Variants in FHIT observed in about 807,000 individuals in gnomAD.
The protein encoded by FHIT is bis(5'-adenosyl)-triphosphatase.
A neutral mutation model predicts 17.9 loss-of-function variants in FHIT; 19 were observed. That is an observed-to-expected ratio of 1.06 (90% CI 0.74 to 1.56). The LOEUF is 1.56. Among genes scored for constraint, FHIT ranks in the 40% most tolerant of loss-of-function variants. The pLI, the probability that FHIT is intolerant of heterozygous loss-of-function variation, is 0.00. For synonymous variants in FHIT, 81 were observed against 69.7 expected, an observed-to-expected ratio of 1.16 and a Z score of -0.81; for missense variants, 248 against 189.2, an observed-to-expected ratio of 1.31 and a Z score of -1.82.
intron 5 of FHIT, among the ~76,000 whole-genome samples, chr3:60,088,190 C>A (rs960854407): frequency 2.0e-5 from 3 of 152,050 alleles, no homozygotes; most frequent in Non-Finnish European, 4.4e-5. Flanking sequence ...GAGAACTCAT[C>A]CCCCAAAGGC....
intron 4 of FHIT, among the ~76,000 whole-genome samples, chr3:60,756,001 T>TC (rs1260358474): frequency 6.6e-6 from 1 of 152,236 alleles, no homozygotes; most frequent in Non-Finnish European, 1.5e-5. Context: ...TTCTGTTCTT[T>TC]GGTCAAATCT....
chr3:60,394,729 T>A (rs1308995413), intron 5 of FHIT, among the ~76,000 whole-genome samples: 3 of 152,202 alleles, frequency 2.0e-5, no homozygotes, highest in Non-Finnish European at 4.4e-5. Context: ...ATGTTTAGAA[T>A]AGTTCCTGGC....
intron 4 of FHIT, among the ~76,000 whole-genome samples, chr3:60,740,746 G>A (rs2042223959): frequency 6.6e-6 from 1 of 152,078 alleles, no homozygotes; most frequent in Non-Finnish European, 1.5e-5. Context: ...TACCTTCTAA[G>A]GAAATGAGGA....
intron 5 of FHIT, among the ~76,000 whole-genome samples, chr3:60,087,000 A>C (rs188620539): frequency 2.1e-3 from 327 of 152,292 alleles, no homozygotes; most frequent in Non-Finnish European, 3.3e-3. Flanking sequence ...TCTATGAGTC[A>C]TCTCTAAAAT....
chr3:60,465,698 G>A (rs752522107), intron 5 of FHIT, among the ~76,000 whole-genome samples: 3 of 152,058 alleles, frequency 2.0e-5, no homozygotes, highest in Non-Finnish European at 4.4e-5. Context: ...TGAGTTTGCT[G>A]TAGATGTATG....
chr3:60,470,133 G>A (rs899532047), intron 5 of FHIT, among the ~76,000 whole-genome samples: 4 of 150,904 alleles, frequency 2.7e-5, no homozygotes, highest in Admixed American at 1.3e-4. Flanking sequence ...TGTGGCCACC[G>A]CCACTGGGAC....
chr3:61,210,895 G>A (rs917405235), intron 1 of FHIT, among the ~76,000 whole-genome samples: 6 of 151,856 alleles, frequency 4.0e-5, no homozygotes, highest in African/African-American at 1.2e-4. Context: ...CTTCTGTGTC[G>A]CTCACACTGG....
intron 5 of FHIT, among the ~76,000 whole-genome samples, chr3:60,512,966 C>T (rs754807956): frequency 1.4e-4 from 22 of 152,068 alleles, no homozygotes; most frequent in Non-Finnish European, 3.1e-4. Flanking sequence ...GAAAAAAAGC[C>T]AACTGAGAAA....
chr3:60,339,435 C>T (rs1710406023), intron 5 of FHIT, among the ~76,000 whole-genome samples: 1 of 152,074 alleles, frequency 6.6e-6, no homozygotes, highest in African/African-American at 2.4e-5. Flanking sequence ...AATTAACTTA[C>T]CAGGCAGCAG....
At chr3:60,421,404 G>C (rs796146327) in intron 5 of FHIT, among the ~76,000 whole-genome samples, 2 of 152,080 alleles carry the variant, frequency 1.3e-5, no homozygotes, top group South Asian at 4.2e-4. Context: ...TAGCATACTT[G>C]GGTTCAATTC....
chr3:61,205,495 C>T (rs1330864748), intron 1 of FHIT, among the ~76,000 whole-genome samples: 2 of 152,162 alleles, frequency 1.3e-5, no homozygotes, highest in Non-Finnish European at 2.9e-5. Flanking sequence ...TGTTTCCTGA[C>T]ATTTTAATGA....
chr3:60,990,438 C>T (rs2030083803), intron 3 of FHIT, among the ~76,000 whole-genome samples: 2 of 152,004 alleles, frequency 1.3e-5, no homozygotes, highest in South Asian at 2.1e-4. Context: ...AATGGGGTGG[C>T]GATGATAAAA....
chr3:60,393,907 C>T (rs991166773), intron 5 of FHIT, among the ~76,000 whole-genome samples: 4 of 152,160 alleles, frequency 2.6e-5, no homozygotes, highest in South Asian at 2.1e-4. Flanking sequence ...CCCTGCTCTG[C>T]GTTCAGTAAT....
At chr3:60,131,722 C>G (rs929498084) in intron 5 of FHIT, among the ~76,000 whole-genome samples, 5 of 152,070 alleles carry the variant, frequency 3.3e-5, no homozygotes, top group African/African-American at 9.7e-5. Context: ...TGCTGCCAGT[C>G]TAGGAGAGAC....
intron 4 of FHIT, among the ~76,000 whole-genome samples, chr3:60,608,069 G>T (rs72887661): frequency 0.01 from 1,557 of 152,316 alleles, 34 homozygotes; most frequent in African/African-American, 0.036. Context: ...TCCATCTGGA[G>T]CACTCTGCCT....
At chr3:60,242,209 C>A (rs998473408) in intron 5 of FHIT, among the ~76,000 whole-genome samples, 2 of 152,038 alleles carry the variant, frequency 1.3e-5, no homozygotes, top group African/African-American at 4.8e-5. Context: ...CTTACAGCAT[C>A]ACATGGTATT....
At chr3:59,877,852 C>T (rs993887721) in intron 8 of FHIT, among the ~76,000 whole-genome samples, 2 of 152,132 alleles carry the variant, frequency 1.3e-5, no homozygotes, top group Non-Finnish European at 2.9e-5. Context: ...ATTTCCCTAT[C>T]CCTCAAATGA....
chr3:60,067,021 T>C (rs76679447), intron 5 of FHIT, among the ~76,000 whole-genome samples: 5,730 of 151,974 alleles, frequency 0.038, 138 homozygotes, highest in South Asian at 0.077. Context: ...ATCACAGAGG[T>C]AGGCAAATCA....
intron 7 of FHIT, among the ~76,000 whole-genome samples, chr3:59,978,048 T>C (rs1409754763): frequency 1.3e-5 from 2 of 152,198 alleles, no homozygotes; most frequent in Admixed American, 6.5e-5. Flanking sequence ...CTATGCTATG[T>C]ATGGGCTGTC....
Sources: allele counts gnomAD v4.1 joint callset (sites outside exome capture counted in the v4.1 genomes callset), GRCh38; gene constraint gnomAD v4.1.1; transcripts MANE v1.5; gene names NCBI Gene and HGNC (gene_info 2026-07-23, HGNC 2026-07-21).